PGPEP1L: variants seen among roughly 807,000 people sequenced by gnomAD.
The protein encoded by PGPEP1L is pyroglutamyl-peptidase I like.
In PGPEP1L, 7 loss-of-function variants were observed where a neutral mutation model predicts 6.0. That is an observed-to-expected ratio of 1.17 (90% CI 0.66 to 2.19). PGPEP1L has a LOEUF of 2.19. PGPEP1L is among the 30% of genes most tolerant of loss of function. The pLI, the probability that PGPEP1L is intolerant of heterozygous loss-of-function variation, is 0.00. For synonymous variants in PGPEP1L, 103 were observed against 83.9 expected (o/e 1.23, Z -1.24); for missense variants, 209 against 192.5 (o/e 1.09, Z -0.51).
chr15:98,968,230 G>T lies in PGPEP1L; in HGVS notation c.*248C>A. The T allele has an allele frequency of 2.2e-6, 1 of 460,666 alleles. No homozygotes were observed. Among genetic ancestry groups the T allele is most frequent in the Non-Finnish European group, 3.9e-6 (1 of 253,816 alleles). The allele number at this position is 460,666 out of a possible 1,614,324, so 28.5% of individuals were successfully genotyped here. A position where few individuals can be genotyped will look rare whatever the true frequency, so the allele number is the denominator to read the frequency against. ...TGTAGATTTTTGGAAGAAAACAGATGACTCGGATTTCATTTTATTGTCATG... is the reference window on the plus strand; with the variant it reads ...TGTAGATTTTTGGAAGAAAACAGATTACTCGGATTTCATTTTATTGTCATG... On this transcript the variant is annotated 3_prime_UTR_variant, in exon 5 of 5. Transcript: ENST00000535714.
At chr15:98,989,739 G>T (rs550821173) in intron 2 of PGPEP1L, among the ~76,000 whole-genome samples, 2 of 152,114 alleles carry the variant, frequency 1.3e-5, no homozygotes, top group African/African-American at 4.8e-5. Context: ...GAGAAAGGTC[G>T]GGTTACCCAC....
chr15:99,003,136 A>G (rs1321980311), intron 2 of PGPEP1L, among the ~76,000 whole-genome samples: 7 of 151,800 alleles, frequency 4.6e-5, no homozygotes, highest in Non-Finnish European at 8.8e-5. Context: ...TTCAGAATAA[A>G]TAAGACTTTA....
chr15:98,996,212 A>T (rs555016034), intron 2 of PGPEP1L, among the ~76,000 whole-genome samples: 16 of 152,198 alleles, frequency 1.1e-4, no homozygotes, highest in Middle Eastern at 6.8e-3. Context: ...GCTTCTCTGT[A>T]TATTTGGTGA....
intron 2 of PGPEP1L, among the ~76,000 whole-genome samples, chr15:99,001,704 T>A (rs1269152964): frequency 7.3e-5 from 11 of 150,748 alleles, no homozygotes; most frequent in East Asian, 1.9e-4. Flanking sequence ...ATTTATATAT[T>A]TGTGTTTTTT....
chr15:98,997,394 C>T (rs973278890), intron 2 of PGPEP1L, among the ~76,000 whole-genome samples: 3 of 152,144 alleles, frequency 2.0e-5, no homozygotes, highest in Non-Finnish European at 4.4e-5. Context: ...GACCAAAAAA[C>T]TCAGAATAAA....
rs544744137 is a variant in PGPEP1L, at chr15:99,001,945, T to C, written c.-142+3484A>G. On this transcript the variant is annotated intron_variant, in intron 2 of 4. Transcript: ENST00000535714. Reference sequence around the variant, plus strand: ...GTTGGCCAGGCTGGTCTCGAACTCCTGCCCTAAGTGATCCACCCCTCTGGG... The same window carrying C: ...GTTGGCCAGGCTGGTCTCGAACTCCCGCCCTAAGTGATCCACCCCTCTGGG... 3.6e-4 allele frequency among the ~76,000 whole-genome samples: 55 copies of C among 152,302 alleles called. 1 individual carries two copies. The highest frequency in any genetic ancestry group is 7.5e-4 in the Non-Finnish European group (51 of 68,014).
chr15:99,007,455 T>TA lies in PGPEP1L; in HGVS notation c.-467dup, dbSNP rs1361818665. ...CCCTGGCGGTGAGTGTTACAGTTTT[T>TA]AAAGGCAGCGTGTCCCAAGTTTGTT... On this transcript the variant is annotated 5_prime_UTR_variant, in exon 1 of 5. It introduces an in-frame stop codon into an upstream open reading frame of the 5' UTR. Coordinates refer to ENST00000535714, the MANE Select transcript of PGPEP1L (RefSeq NM_001167902.2). The TA allele has an allele frequency of 6.6e-6, 1 of 152,462 alleles. No individual in the cohort carries two copies. The highest frequency in any genetic ancestry group is 2.4e-5 in the African/African-American group (1 of 41,584). The allele number at this position is 152,462 out of a possible 1,614,324, so 9.4% of individuals were successfully genotyped here.
chr15:98,985,224 A>C (rs2017730437), intron 2 of PGPEP1L, among the ~76,000 whole-genome samples: 1 of 152,046 alleles, frequency 6.6e-6, no homozygotes, highest in Non-Finnish European at 1.5e-5. Flanking sequence ...AGGTTCTTCT[A>C]TCTCTTGATT....
intron 2 of PGPEP1L, among the ~76,000 whole-genome samples, chr15:98,974,038 G>A (rs962538088): frequency 3.9e-5 from 6 of 152,080 alleles, no homozygotes; most frequent in African/African-American, 1.4e-4. Flanking sequence ...GAAATACAAA[G>A]GATCATCAGA....
At chr15:99,000,796 C>A (rs1004422035) in intron 2 of PGPEP1L, among the ~76,000 whole-genome samples, 1 of 151,998 alleles carries the variant, frequency 6.6e-6, no homozygotes, top group Non-Finnish European at 1.5e-5. Flanking sequence ...GTGGGTGGGG[C>A]CAGATAAGAG....
chr15:98,980,975 T>C (rs904288557), intron 2 of PGPEP1L, among the ~76,000 whole-genome samples: 2 of 151,012 alleles, frequency 1.3e-5, no homozygotes, highest in Non-Finnish European at 2.9e-5. Context: ...TAGAGAGGCC[T>C]GACAAACACT....
At chr15:98,978,831 GC>G (rs2017611996) in intron 2 of PGPEP1L, among the ~76,000 whole-genome samples, 2 of 148,570 alleles carry the variant, frequency 1.3e-5, no homozygotes, top group African/African-American at 5.0e-5. Context: ...CCGGGTTCAA[GC>G]AATTCTCCTG....
intron 2 of PGPEP1L, among the ~76,000 whole-genome samples, chr15:98,975,441 T>C (rs1222836255): frequency 2.6e-5 from 4 of 152,348 alleles, no homozygotes; most frequent in Admixed American, 1.3e-4. Flanking sequence ...ATTAATTTAT[T>C]GTACATTTCA....
At chr15:98,985,228 CTT>C (rs1002011522) in intron 2 of PGPEP1L, among the ~76,000 whole-genome samples, 30 of 152,242 alleles carry the variant, frequency 2.0e-4, no homozygotes, top group African/African-American at 6.5e-4. Context: ...TCTTCTATCT[CTT>C]GATTTCTACT....
chr15:98,977,123 TA>T (rs2017582224), intron 2 of PGPEP1L, among the ~76,000 whole-genome samples: 1 of 152,134 alleles, frequency 6.6e-6, no homozygotes, highest in Admixed American at 6.5e-5. Flanking sequence ...AATGGTCTTT[TA>T]TTTTTTTTCT....
chr15:98,980,097 T>C (rs2017635684), intron 2 of PGPEP1L, among the ~76,000 whole-genome samples: 1 of 152,134 alleles, frequency 6.6e-6, no homozygotes, highest in Non-Finnish European at 1.5e-5. Flanking sequence ...ACTGCTTGGG[T>C]GATGCTGCAC....
chr15:98,984,797 TA>T lies in PGPEP1L; in HGVS notation c.-141-13640del, dbSNP rs1410363894. Among the ~76,000 whole-genome samples, 19 of 152,058 alleles carry T rather than the reference TA, an allele frequency of 1.2e-4. No individual in the cohort carries two copies. In the Middle Eastern group the frequency reaches 0.014, roughly 109 times the overall value. ...GCAGATTGATAGTGAAGAGAGCTTC[TA>T]AAGAGGTTGCAATGAACTCTGCCCA... On this transcript the variant is annotated intron_variant, in intron 2 of 4. Coordinates refer to ENST00000535714, the MANE Select transcript of PGPEP1L (RefSeq NM_001167902.2).
chr15:99,001,571 ATC>A (rs1555473031), intron 2 of PGPEP1L, among the ~76,000 whole-genome samples: 1 of 152,242 alleles, frequency 6.6e-6, no homozygotes, highest in Non-Finnish European at 1.5e-5. Context: ...TGTGGATTAT[ATC>A]TCAATGAAGT....
intron 2 of PGPEP1L, among the ~76,000 whole-genome samples, chr15:98,999,635 A>C (rs1352341446): frequency 1.3e-5 from 2 of 152,226 alleles, no homozygotes; most frequent in African/African-American, 4.8e-5. Flanking sequence ...CGTTCATAGA[A>C]GCTTTATTTG....
Sources: allele counts gnomAD v4.1 joint callset (sites outside exome capture counted in the v4.1 genomes callset), GRCh38; gene constraint gnomAD v4.1.1; transcripts MANE v1.5; gene names NCBI Gene and HGNC (gene_info 2026-07-23, HGNC 2026-07-21).